The following C19orf12 variants were observed in gnomAD, a reference collection of about 807,000 sequenced individuals.
C19orf12 encodes the protein chromosome 19 open reading frame 12.
Under a neutral mutation model 3.8 loss-of-function variants are expected in C19orf12, and 2 were observed. That is an observed-to-expected ratio of 0.53 (90% CI 0.22 to 1.66). C19orf12 has a LOEUF of 1.66. C19orf12 is among the 40% of genes most tolerant of loss of function. C19orf12 has a pLI of 0.20. For synonymous variants in C19orf12, 89 were observed against 84.6 expected, an observed-to-expected ratio of 1.05 and a Z score of -0.28; for missense variants, 156 against 188.8, an observed-to-expected ratio of 0.83 and a Z score of 1.02.
intron 1 of C19orf12, among the ~76,000 whole-genome samples, chr19:29,712,418 AAAAG>A (rs922050754): frequency 3.3e-5 from 5 of 152,090 alleles, no homozygotes; most frequent in African/African-American, 1.2e-4. Context: ...AAAAAAAGAA[AAAAG>A]AAATACTCAG....
intron 1 of C19orf12, among the ~76,000 whole-genome samples, chr19:29,713,406 A>G (rs1972784701): frequency 6.6e-6 from 1 of 152,144 alleles, no homozygotes; most frequent in Non-Finnish European, 1.5e-5. Context: ...TCTGACAGGT[A>G]CAGAGAGACG....
intron 1 of C19orf12, among the ~76,000 whole-genome samples, chr19:29,711,513 GC>G: frequency 6.6e-6 from 1 of 152,276 alleles, no homozygotes; most frequent in East Asian, 1.9e-4. Context: ...GAGAGGCACT[GC>G]CCAGGTCTCA....
At chr19:29,714,368 C>T (rs1972846956) in intron 1 of C19orf12, among the ~76,000 whole-genome samples, 1 of 151,968 alleles carries the variant, frequency 6.6e-6, no homozygotes, top group South Asian at 2.1e-4. Flanking sequence ...GGTGGTGTCG[C>T]CTGTAATCCC....
At chr19:29,713,322 G>A (rs1972781717) in intron 1 of C19orf12, among the ~76,000 whole-genome samples, 1 of 151,950 alleles carries the variant, frequency 6.6e-6, no homozygotes, top group African/African-American at 2.4e-5. Context: ...TTGATCACAG[G>A]AAGCCCATCT....
intron 1 of C19orf12, among the ~76,000 whole-genome samples, chr19:29,711,920 T>C (rs1972701206): frequency 6.6e-6 from 1 of 152,030 alleles, no homozygotes; most frequent in Non-Finnish European, 1.5e-5. Context: ...GAGAGAGAAA[T>C]CAATTAGGCA....
Position 29,708,995 on chromosome 19 carries a change from A to G in C19orf12, c.-10-572T>C, listed in dbSNP as rs191576125. Among the ~76,000 whole-genome samples, 5 of 152,334 alleles carry G rather than the reference A, an allele frequency of 3.3e-5. No individual in the cohort carries two copies. In the East Asian group the frequency reaches 5.8e-4, roughly 18 times the overall value. On this transcript the variant is annotated intron_variant, in intron 1 of 2. Coordinates refer to ENST00000323670, the MANE Select transcript of C19orf12 (RefSeq NM_031448.6). ...CTCAGACAGTGCCAGCAGGATGGGC[A>G]GGAAGTGCCTGGCGTAAGTCTGGAA...
intron 2 of C19orf12, chr19:29,705,308 A>G (rs1430353790): frequency 2.2e-6 from 1 of 448,994 alleles, no homozygotes; most frequent in Non-Finnish European, 4.4e-6. Context: ...CAAGGCTGTG[A>G]ACAAGGCAAG....
At position 29,702,655 on chromosome 19, in the gene C19orf12, C is replaced by T. The variant is rs529923575; in HGVS notation, c.*57G>A. 5 of 1,610,690 alleles carry T rather than the reference C, an allele frequency of 3.1e-6. No individual in the cohort carries two copies. The East Asian group carries it at 6.7e-5, about 22-fold the overall frequency. On this transcript the variant is annotated 3_prime_UTR_variant, in exon 3 of 3. Coordinates refer to ENST00000323670, the MANE Select transcript of C19orf12 (RefSeq NM_031448.6). ...TGGGCTTCTCCCAACTCCCAAGCCA[C>T]CTCTTCAGAATCACAGAGTCATTTA...
chr19:29,705,232 C>A, intron 2 of C19orf12: 1 of 391,374 alleles, frequency 2.6e-6, no homozygotes, highest in Admixed American at 3.1e-5. Context: ...CCATCCTAAA[C>A]ACAACTGGCA....
At position 29,699,454 on chromosome 19, in the gene C19orf12, G is replaced by C. The variant is rs758105437; in HGVS notation, c.*3258C>G. ...ACCAAGATCGCGCTACTGCACTCCA[G>C]CCCGGGCGACAGTGCGAGACTCCAT... On this transcript the variant is annotated 3_prime_UTR_variant, in exon 3 of 3. Transcript: ENST00000323670. 5.8e-5 allele frequency: 24 copies of C among 413,704 alleles called. No homozygotes were observed. The highest frequency in any genetic ancestry group is 1.1e-4 in the Non-Finnish European group (24 of 215,632). 25.6% of individuals were successfully genotyped at this position (413,704 alleles called of 1,614,324 possible).
rs976322494 is a variant in C19orf12, at chr19:29,700,129, G to A, written c.*2583C>T. 2.2e-5 allele frequency: 10 copies of A among 453,968 alleles called. No homozygotes were observed. The highest frequency in any genetic ancestry group is 2.6e-5 in the Non-Finnish European group (6 of 226,800). 28.1% of individuals were successfully genotyped at this position (453,968 alleles called of 1,614,324 possible). A position where few individuals can be genotyped will look rare whatever the true frequency, so the allele number is the denominator to read the frequency against. On this transcript the variant is annotated 3_prime_UTR_variant, in exon 3 of 3. Transcript: ENST00000323670. ...CAGTAGGGGTGGGCAGGCTGTGGGA[G>A]GGGCTGCAGTGGACACTGGGCCTCT... is the stretch of plus-strand genomic sequence containing the variant.
At position 29,699,846 on chromosome 19, in the gene C19orf12, AAAG is replaced by A. The variant is rs1428981716; in HGVS notation, c.*2863_*2865del. On this transcript the variant is annotated 3_prime_UTR_variant, in exon 3 of 3. Coordinates refer to ENST00000323670, the MANE Select transcript of C19orf12 (RefSeq NM_031448.6). ...TATTCAAAAATAAATAAATTTCTACAAAGAAGATACAGATATATAAATACTAAA... is the reference window on the plus strand; with the variant it reads ...TATTCAAAAATAAATAAATTTCTACAAAGATACAGATATATAAATACTAAA... 2 of 450,684 alleles carry A rather than the reference AAAG, an allele frequency of 4.4e-6. No homozygotes were observed. Among genetic ancestry groups the A allele is most frequent in the African/African-American group, 2.0e-5 (1 of 49,662 alleles). The allele number at this position is 450,684 out of a possible 1,614,324, so 27.9% of individuals were successfully genotyped here. A position where few individuals can be genotyped will look rare whatever the true frequency, so the allele number is the denominator to read the frequency against.
In C19orf12 at chr19:29,699,094, A is replaced by G. The variant is rs1379683774; in HGVS notation, c.*3618T>C. The stretch of plus-strand genomic sequence containing the variant: ...AAATATTTACAAGGAATTTTAAATT[A>G]CATCAAAAATATTATTTAACATTCA... On this transcript the variant is annotated 3_prime_UTR_variant, in exon 3 of 3. Coordinates refer to ENST00000323670, the MANE Select transcript of C19orf12 (RefSeq NM_031448.6). The G allele has an allele frequency of 1.1e-5, 5 of 454,040 alleles. No individual in the cohort carries two copies. Among genetic ancestry groups the G allele is most frequent in the South Asian group, 7.8e-5 (5 of 64,468 alleles). The allele number at this position is 454,040 out of a possible 1,614,324, so 28.1% of individuals were successfully genotyped here. A position where few individuals can be genotyped will look rare whatever the true frequency, so the allele number is the denominator to read the frequency against.
At chr19:29,709,929 T>C (rs574483339) in intron 1 of C19orf12, among the ~76,000 whole-genome samples, 6 of 152,284 alleles carry the variant, frequency 3.9e-5, no homozygotes, top group Admixed American at 3.3e-4. Flanking sequence ...TGGTGTGCAG[T>C]GGTGCGATCA....
chr19:29,715,312 C>G (rs1225749936), upstream of C19orf12: 1 of 392,872 alleles, frequency 2.5e-6, no homozygotes, highest in African/African-American at 2.2e-5. Context: ...TCCGGGAAGC[C>G]ACGCGCCGGG....
intron 1 of C19orf12, among the ~76,000 whole-genome samples, chr19:29,714,622 GC>G (rs1176135540): frequency 6.6e-6 from 1 of 151,994 alleles, no homozygotes; most frequent in Non-Finnish European, 1.5e-5. Flanking sequence ...CAGCTCCGCT[GC>G]CCCACAGGTG....
intron 1 of C19orf12, among the ~76,000 whole-genome samples, chr19:29,711,165 G>A (rs1291922032): frequency 2.8e-5 from 4 of 144,054 alleles, no homozygotes; most frequent in Admixed American, 7.3e-5. Flanking sequence ...TCAACCTCCC[G>A]AATAGCTGGG....
In C19orf12 at chr19:29,700,531, G is replaced by A. The variant is rs765823193; in HGVS notation, c.*2181C>T. 1.1e-5 allele frequency: 5 copies of A among 453,990 alleles called. No homozygotes were observed. Among genetic ancestry groups the A allele is most frequent in the African/African-American group, 8.0e-5 (4 of 49,988 alleles). The allele number at this position is 453,990 out of a possible 1,614,324, so 28.1% of individuals were successfully genotyped here. The stretch of plus-strand genomic sequence containing the variant: ...TATGCAGGACTTATTTGCAGGAAGA[G>A]CAGGAATGATCAGTTCAACAAGAAA... On this transcript the variant is annotated 3_prime_UTR_variant, in exon 3 of 3. Transcript: ENST00000323670.
chr19:29,707,429 TGG>T (rs1416553446), intron 2 of C19orf12, among the ~76,000 whole-genome samples: 1 of 152,200 alleles, frequency 6.6e-6, no homozygotes, highest in Non-Finnish European at 1.5e-5. Flanking sequence ...GTTCTTTTGG[TGG>T]TCTCTTTCAG....
Sources: gnomAD v4.1 joint callset for allele counts (sites outside exome capture counted in the v4.1 genomes callset) on GRCh38, gnomAD v4.1.1 for gene constraint, MANE v1.5 for transcripts, NCBI Gene and HGNC (gene_info 2026-07-23, HGNC 2026-07-21) for gene names.